Variants in GRAMD4 observed in about 807,000 individuals in gnomAD.
GRAMD4 encodes GRAM domain containing 4.
Under a neutral mutation model 83.9 loss-of-function variants are expected in GRAMD4, and 25 were observed. The observed-to-expected ratio is 0.30, with a 90% CI of 0.22 to 0.42. The LOEUF (loss-of-function observed/expected upper bound fraction) is 0.42, where lower values mean the gene tolerates loss of function less well. Among genes scored for constraint, GRAMD4 ranks in the 10% least tolerant of loss-of-function variants. The pLI is 1.00. For missense variants in GRAMD4, 593 were observed against 788.7 expected, an observed-to-expected ratio of 0.75 and a Z score of 2.97; for synonymous variants, 336 against 320.9, an observed-to-expected ratio of 1.05 and a Z score of -0.50.
chr22:46,607,272 C>G (rs187865126), intron 1 of GRAMD4, among the ~76,000 whole-genome samples: 167 of 152,212 alleles, frequency 1.1e-3, no homozygotes, highest in African/African-American at 3.9e-3. Context: ...TGCAGCAAAC[C>G]AACATGGCAC....
At chr22:46,608,164 G>A (rs1404470034) in intron 1 of GRAMD4, among the ~76,000 whole-genome samples, 1 of 152,164 alleles carries the variant, frequency 6.6e-6, no homozygotes, top group Non-Finnish European at 1.5e-5. Context: ...TTGTTCCCTA[G>A]TCCCTAGTAG....
At chr22:46,673,916 C>T in intron 15 of GRAMD4, 102 bp downstream of exon 15, 1 of 1,255,346 alleles carries the variant, frequency 8.0e-7, no homozygotes. Context: ...CTGTGACAGG[C>T]CAGAGGAGCC....
intron 3 of GRAMD4, among the ~76,000 whole-genome samples, chr22:46,643,084 TATCCATCCATCCATCC>T (rs61391783): frequency 3.9e-5 from 3 of 76,412 alleles, no homozygotes; most frequent in African/African-American, 2.0e-4. Context: ...TCTATCCATT[TATCCATCCATCCATCC>T]ATCCATCCAT....
At chr22:46,589,593 C>T (rs1265052364) in intron 1 of GRAMD4, among the ~76,000 whole-genome samples, 2 of 152,126 alleles carry the variant, frequency 1.3e-5, no homozygotes, top group Admixed American at 6.5e-5. Flanking sequence ...CATGCTGCCC[C>T]TGCTTTGCAG....
In GRAMD4 at chr22:46,621,081, G is replaced by A. The variant is rs1392016376; in HGVS notation, c.-50+516G>A. 6.6e-6 allele frequency among the ~76,000 whole-genome samples: 1 copy of A among 152,098 alleles called. No individual in the cohort carries two copies. Among genetic ancestry groups the A allele is most frequent in the Non-Finnish European group, 1.5e-5 (1 of 67,998 alleles). On this transcript the variant is annotated intron_variant, in intron 1 of 18. Coordinates refer to ENST00000406902, the MANE Select transcript of GRAMD4 (RefSeq NM_015124.5). This position sits in a 1 kb window ranked among gnomAD's most constrained non-coding sequence, Gnocchi z 5.8. Reference sequence around the variant, plus strand: ...TGGGCTTCCTCCAGGGACCGTGGAGGGGGTGGGGATGGGCAGCTAGAAGTG... The same window carrying A: ...TGGGCTTCCTCCAGGGACCGTGGAGAGGGTGGGGATGGGCAGCTAGAAGTG...
chr22:46,670,579 T>C (rs2082487307), intron 13 of GRAMD4, among the ~76,000 whole-genome samples: 1 of 152,078 alleles, frequency 6.6e-6, no homozygotes, highest in Non-Finnish European at 1.5e-5. Context: ...GGTGTGCACC[T>C]GGGTCTTGGT....
chr22:46,670,159 G>A (rs1434154526), intron 13 of GRAMD4, among the ~76,000 whole-genome samples: 1 of 152,266 alleles, frequency 6.6e-6, no homozygotes, highest in Middle Eastern at 3.2e-3. Flanking sequence ...GCGCAGAGGA[G>A]CAGTGGGGGC....
intron 2 of GRAMD4, among the ~76,000 whole-genome samples, chr22:46,634,772 C>T (rs1187945004): frequency 6.6e-6 from 1 of 152,138 alleles, no homozygotes; most frequent in Non-Finnish European, 1.5e-5. Context: ...GAAACCCCGT[C>T]TGTACTAAAA....
intron 2 of GRAMD4, among the ~76,000 whole-genome samples, chr22:46,627,748 T>C (rs1396784760): frequency 6.6e-6 from 1 of 152,252 alleles, no homozygotes; most frequent in Non-Finnish European, 1.5e-5. Context: ...CCTGGCTCCT[T>C]GCGTTGCTAA....
At chr22:46,638,050 C>A in intron 3 of GRAMD4, 90 bp downstream of exon 3, 1 of 1,395,718 alleles carries the variant, frequency 7.2e-7, no homozygotes, top group Non-Finnish European at 1.0e-6. Context: ...GGAGCTGGGT[C>A]TGGTGAAGAC....
Position 46,658,311 on chromosome 22 carries a change from C to T in GRAMD4, c.404+4C>T. On this transcript the variant is annotated splice_donor_region_variant and intron_variant, in intron 4 of 18. Transcript: ENST00000406902. ...TGCAGGAGGTGCTGAAGGCCAGGTA[C>T]CGCGCCTTCCTCGGGGCCCTGGCCT... 2 of 1,605,688 alleles carry T rather than the reference C, an allele frequency of 1.2e-6. No individual in the cohort carries two copies. Among genetic ancestry groups the T allele is most frequent in the Non-Finnish European group, 1.7e-6 (2 of 1,177,420 alleles).
intron 9 of GRAMD4, among the ~76,000 whole-genome samples, chr22:46,665,937 G>A (rs1861743): frequency 0.011 from 1,650 of 152,312 alleles, 26 homozygotes; most frequent in African/African-American, 0.038. Flanking sequence ...TTCCCCGGGC[G>A]GCCAGCAGAG....
At chr22:46,618,146 T>C (rs903023438), upstream of GRAMD4, among the ~76,000 whole-genome samples, 4 of 151,830 alleles carry the variant, frequency 2.6e-5, no homozygotes, top group Non-Finnish European at 4.4e-5. The surrounding 1 kb of genome is among the most constrained non-coding windows in gnomAD (Gnocchi z 5.8). Context: ...TCTGAACAAG[T>C]GTTTGTCACT....
At chr22:46,629,789 G>A (rs1051954303) in intron 2 of GRAMD4, among the ~76,000 whole-genome samples, 12 of 152,164 alleles carry the variant, frequency 7.9e-5, no homozygotes, top group Admixed American at 6.5e-5. Flanking sequence ...AAGAGACCCC[G>A]TTCCTTTCAC....
Position 46,673,422 on chromosome 22 carries a change from G to C in GRAMD4, c.1240-248G>C, listed in dbSNP as rs368973234. Among the ~76,000 whole-genome samples the C allele has an allele frequency of 3.4e-4, 52 of 152,380 alleles. No homozygotes were observed. In the East Asian group the frequency reaches 7.1e-3, roughly 21 times the overall value. On this transcript the variant is annotated intron_variant, in intron 14 of 18. Transcript: ENST00000406902. ...AGCACAGCATCCCAGCCAGGACCAC[G>C]GGGAATGAGCAGGCCTCGGTGCTCC...
Position 46,659,500 on chromosome 22 carries a change from C to G in GRAMD4, c.404+1193C>G, listed in dbSNP as rs1351448524. Among the ~76,000 whole-genome samples, 1 of 152,206 alleles carries G rather than the reference C, an allele frequency of 6.6e-6. No homozygotes were observed. The highest frequency in any genetic ancestry group is 1.5e-5 in the Non-Finnish European group (1 of 68,026). On this transcript the variant is annotated intron_variant, in intron 4 of 18. Coordinates refer to ENST00000406902, the MANE Select transcript of GRAMD4 (RefSeq NM_015124.5). This position sits in a 1 kb window ranked among gnomAD's most constrained non-coding sequence, Gnocchi z 4.1. ...AGGCACACGGCATCTCTGGGACACC[C>G]CAGCTGAGCACTGCCTGCTATGAGC...
At chr22:46,663,960 C>T (rs1414383603) in intron 7 of GRAMD4, 66 bp from the exon 8 acceptor site, 25 of 1,572,978 alleles carry the variant, frequency 1.6e-5, no homozygotes, top group East Asian at 4.5e-5. Flanking sequence ...ACCGACTCTC[C>T]AGGGAGACGT....
intron 14 of GRAMD4, 52 bp downstream of exon 14, chr22:46,673,049 GGGCATCCCCA>G: frequency 6.9e-7 from 1 of 1,456,392 alleles, no homozygotes; most frequent in East Asian, 2.4e-5. Flanking sequence ...CCACGAAGCC[GGGCATCCCCA>G]GGCCCACAGT....
chr22:46,576,663 G>A (rs1015471852), upstream of GRAMD4, among the ~76,000 whole-genome samples: 5 of 152,144 alleles, frequency 3.3e-5, no homozygotes, highest in African/African-American at 1.2e-4. Flanking sequence ...CCGGCGCCCC[G>A]CGAGGCGGTC....
Sources: allele counts gnomAD v4.1 joint callset (sites outside exome capture counted in the v4.1 genomes callset), GRCh38; gene constraint gnomAD v4.1.1; non-coding constraint Gnocchi (gnomAD v3.1); transcripts MANE v1.5; gene names NCBI Gene and HGNC (gene_info 2026-07-23, HGNC 2026-07-21).